The following PDE4D variants were observed in gnomAD, a reference collection of about 807,000 sequenced individuals.
PDE4D encodes phosphodiesterase 4D, also known as 3',5'-cyclic-AMP phosphodiesterase 4D.
In PDE4D, 24 loss-of-function variants were observed where a neutral mutation model predicts 87.4. That is an observed-to-expected ratio of 0.27 (90% confidence interval 0.20 to 0.39). The LOEUF (loss-of-function observed/expected upper bound fraction) is 0.39. PDE4D is among the 10% of genes least tolerant of loss of function. The pLI is 1.00. For missense variants in PDE4D, 714 were observed against 1,041.0 expected, an observed-to-expected ratio of 0.69 and a Z score of 4.32; for synonymous variants, 384 against 383.2, an observed-to-expected ratio of 1.00 and a Z score of -0.02.
intron 1 of PDE4D, among the ~76,000 whole-genome samples, chr5:59,280,573 T>G (rs755340593): frequency 5.9e-5 from 9 of 152,108 alleles, no homozygotes; most frequent in Non-Finnish European, 1.0e-4. Flanking sequence ...ATTCTAAACT[T>G]AAATGAATCT....
intron 1 of PDE4D, among the ~76,000 whole-genome samples, chr5:60,498,114 A>G (rs1749903683): frequency 6.6e-6 from 1 of 152,042 alleles, no homozygotes; most frequent in African/African-American, 2.4e-5. Context: ...GAAAGAAGGC[A>G]AGAACAGTTT....
chr5:60,231,020 T>A (rs1355653319), intron 1 of PDE4D, among the ~76,000 whole-genome samples: 1 of 152,154 alleles, frequency 6.6e-6, no homozygotes, highest in East Asian at 1.9e-4. Flanking sequence ...AAGGTAGAAG[T>A]TTGTTACAGA....
chr5:59,220,423 A>T (rs1330369139), intron 1 of PDE4D, among the ~76,000 whole-genome samples: 8 of 138,812 alleles, frequency 5.8e-5, no homozygotes, highest in Middle Eastern at 7.4e-3. Flanking sequence ...AAACAGAGTT[A>T]AAAAAAAAAA....
chr5:60,236,185 T>C (rs1746407489), intron 1 of PDE4D, among the ~76,000 whole-genome samples: 2 of 152,092 alleles, frequency 1.3e-5, no homozygotes, highest in South Asian at 4.1e-4. Context: ...TGCTTGGTGA[T>C]GAGTTCTTAT....
chr5:59,912,160 C>T (rs997499440), intron 3 of PDE4D, among the ~76,000 whole-genome samples: 35 of 152,050 alleles, frequency 2.3e-4, no homozygotes, highest in Non-Finnish European at 3.8e-4. Flanking sequence ...TGAATGTTGC[C>T]GTCTAGTTAT....
At chr5:60,281,732 T>G (rs552353087) in intron 1 of PDE4D, among the ~76,000 whole-genome samples, 1 of 151,998 alleles carries the variant, frequency 6.6e-6, no homozygotes, top group South Asian at 2.1e-4. Context: ...ATAGAAAAAG[T>G]AAGAATAAGA....
At chr5:60,335,477 A>G (rs1255748696) in intron 1 of PDE4D, among the ~76,000 whole-genome samples, 3 of 152,198 alleles carry the variant, frequency 2.0e-5, no homozygotes, top group Non-Finnish European at 4.4e-5. Context: ...GGTCCTTGAG[A>G]AAGACACTCT....
rs753110828 is a variant in PDE4D at position 60,059,162 on chromosome 5, A to G, written c.43-70445T>C. Among the ~76,000 whole-genome samples, 18 of 151,764 alleles carry G rather than the reference A, an allele frequency of 1.2e-4. No individual in the cohort carries two copies. The South Asian group carries it at 1.5e-3, about 12-fold the overall frequency. ...TAATGTAATTGGCAAAACCCAAAAC[A>G]CACTGGAGATTTTCCTGAGAACTAA... On this transcript the variant is annotated intron_variant, in intron 2 of 16. Coordinates refer to the PDE4D transcript ENST00000502484.
At chr5:60,318,677 C>G (rs189751518) in intron 1 of PDE4D, among the ~76,000 whole-genome samples, 5,045 of 152,080 alleles carry the variant, frequency 0.033, 127 homozygotes, top group Middle Eastern at 0.082. Flanking sequence ...TAGGGCAGCC[C>G]TGGTGGTGAC....
At chr5:59,331,689 A>G (rs1376415872) in intron 1 of PDE4D, among the ~76,000 whole-genome samples, 9 of 152,220 alleles carry the variant, frequency 5.9e-5, no homozygotes, top group African/African-American at 2.2e-4. Flanking sequence ...ATCCTTAAAC[A>G]AAGTCCCTCT....
rs568820191 is a variant in PDE4D at position 60,345,096 on chromosome 5, T to TA, written c.-90+142845dup. On this transcript the variant is annotated intron_variant, in intron 1 of 16. Transcript: ENST00000502484. The stretch of plus-strand genomic sequence containing the variant: ...ATATATAGTTTTAGGTCTTACTCTC[T>TA]AAAAAATTAACATTATATTATAAAA... Among the ~76,000 whole-genome samples the TA allele has an allele frequency of 1.0e-3, 156 of 152,230 alleles. 1 individual carries two copies. The Middle Eastern group carries it at 0.017, about 17-fold the overall frequency.
At chr5:59,660,927 C>T (rs1339885570) in intron 1 of PDE4D, among the ~76,000 whole-genome samples, 2 of 151,798 alleles carry the variant, frequency 1.3e-5, no homozygotes, top group African/African-American at 2.4e-5. Flanking sequence ...TCTAATCTAC[C>T]ACTCTTAGAT....
chr5:59,042,477 T>A (rs1042389640), intron 5 of PDE4D, among the ~76,000 whole-genome samples: 1 of 152,200 alleles, frequency 6.6e-6, no homozygotes, highest in African/African-American at 2.4e-5. Context: ...ACATACTGCA[T>A]TCATTAATAA....
intron 1 of PDE4D, among the ~76,000 whole-genome samples, chr5:59,274,295 C>T (rs913837189): frequency 3.9e-5 from 6 of 152,202 alleles, no homozygotes; most frequent in East Asian, 1.9e-4. Flanking sequence ...AGAAATACTG[C>T]GGATGGGGCA....
At chr5:60,039,000 T>C (rs1041205338) in intron 2 of PDE4D, among the ~76,000 whole-genome samples, 1 of 150,822 alleles carries the variant, frequency 6.6e-6, no homozygotes, top group Non-Finnish European at 1.5e-5. Flanking sequence ...GACTGTAAAC[T>C]AGTTCAACCA....
intron 1 of PDE4D, among the ~76,000 whole-genome samples, chr5:59,285,356 T>C (rs986808557): frequency 4.6e-5 from 7 of 152,146 alleles, no homozygotes; most frequent in Non-Finnish European, 7.4e-5. Context: ...CTTTACAGAT[T>C]TTCTTCCTGT....
intron 2 of PDE4D, among the ~76,000 whole-genome samples, chr5:60,105,445 A>G (rs536208456): frequency 6.8e-4 from 103 of 152,332 alleles, no homozygotes; most frequent in African/African-American, 2.4e-3. Flanking sequence ...TCTGCAGGAT[A>G]TTATCCAGGA....
chr5:60,173,252 A>AG (rs397728686), intron 2 of PDE4D, among the ~76,000 whole-genome samples: 19 of 96 alleles, frequency 0.2, no homozygotes, highest in East Asian at 0.5. Context: ...CTAGTTGTGC[A>AG]TCTTGGCTAA....
At chr5:59,890,192 C>T (rs1047153942) in intron 1 of PDE4D, among the ~76,000 whole-genome samples, 5 of 151,668 alleles carry the variant, frequency 3.3e-5, no homozygotes, top group Non-Finnish European at 7.4e-5. Context: ...TTTTCAGAGA[C>T]ATTAACTTGA....
Sources: allele counts gnomAD v4.1 joint callset (sites outside exome capture counted in the v4.1 genomes callset), GRCh38; gene constraint gnomAD v4.1.1; transcripts MANE v1.5; gene names NCBI Gene and HGNC (gene_info 2026-07-23, HGNC 2026-07-21).